OPRM1: variants seen among roughly 807,000 people sequenced by gnomAD.
OPRM1 encodes the protein opioid receptor mu 1.
A neutral mutation model predicts 31.8 loss-of-function variants in OPRM1; 27 were observed. That is an observed-to-expected ratio of 0.85 (90% confidence interval 0.63 to 1.17). OPRM1 has a LOEUF of 1.17. OPRM1 is among the 50% of genes most tolerant of loss of function. OPRM1 has a pLI of 0.00. For missense variants in OPRM1, 536 were observed against 511.1 expected (o/e 1.05, Z -0.47); for synonymous variants, 196 against 189.9 (o/e 1.03, Z -0.26).
chr6:154,027,627 TC>T (rs1203055431), intron 1 of OPRM1, among the ~76,000 whole-genome samples: 2 of 152,104 alleles, frequency 1.3e-5, no homozygotes, highest in Non-Finnish European at 2.9e-5. Context: ...CGTTCTAGAG[TC>T]AAAAACCTTA....
At chr6:154,221,953 G>A (rs1778900961) in intron 3 of OPRM1, among the ~76,000 whole-genome samples, 1 of 152,154 alleles carries the variant, frequency 6.6e-6, no homozygotes, top group Non-Finnish European at 1.5e-5. Flanking sequence ...TTGCTATAAA[G>A]ATACAATAAA....
chr6:154,027,373 G>A (rs139812928), intron 1 of OPRM1, among the ~76,000 whole-genome samples: 81 of 152,300 alleles, frequency 5.3e-4, no homozygotes, highest in African/African-American at 1.9e-3. Flanking sequence ...TGGTGGTGGT[G>A]TGACACAAGC....
At chr6:154,108,713 TAAA>T in intron 3 of OPRM1, 1 of 912,158 alleles carries the variant, frequency 1.1e-6, no homozygotes, top group Non-Finnish European at 1.3e-6. Context: ...TCTAACACCC[TAAA>T]TCTTAGAAGA....
chr6:154,231,925 C>T (rs1415986874), intron 3 of OPRM1, among the ~76,000 whole-genome samples: 2 of 152,112 alleles, frequency 1.3e-5, no homozygotes. Flanking sequence ...TGACATAGCC[C>T]CACACAAATA....
At chr6:154,033,213 T>C (rs1779106819) in intron 1 of OPRM1, among the ~76,000 whole-genome samples, 1 of 152,110 alleles carries the variant, frequency 6.6e-6, no homozygotes, top group Non-Finnish European at 1.5e-5. Context: ...AAATAAAGAC[T>C]AAAACACCAA....
intron 1 of OPRM1, among the ~76,000 whole-genome samples, chr6:154,019,703 T>A (rs976706822): frequency 6.6e-6 from 1 of 151,936 alleles, no homozygotes; most frequent in Admixed American, 6.6e-5. Flanking sequence ...TTAAGGTTTC[T>A]CTATGTATTT....
chr6:154,243,009 G>T (rs1307200250), intron 3 of OPRM1, among the ~76,000 whole-genome samples: 1 of 152,200 alleles, frequency 6.6e-6, no homozygotes. Flanking sequence ...TGACCTATAA[G>T]GAGGGATAAG....
intron 1 of OPRM1, among the ~76,000 whole-genome samples, chr6:154,012,881 G>A (rs1438867064): frequency 6.6e-6 from 1 of 151,990 alleles, no homozygotes; most frequent in Non-Finnish European, 1.5e-5. Flanking sequence ...CAGGGAGAGA[G>A]GAAGAAAGCC....
chr6:154,086,698 AAACTG>A (rs1166548153), intron 1 of OPRM1: 1 of 985,146 alleles, frequency 1.0e-6, no homozygotes, highest in African/African-American at 1.7e-5. Flanking sequence ...ATGAGTCAGA[AAACTG>A]ACTGTAAAGA....
intron 1 of OPRM1, among the ~76,000 whole-genome samples, chr6:154,062,061 A>G (rs1169224749): frequency 6.6e-6 from 1 of 152,162 alleles, no homozygotes; most frequent in Non-Finnish European, 1.5e-5. Flanking sequence ...ATATAACAAA[A>G]TGTTCCCAGA....
At chr6:154,221,156 A>C in intron 3 of OPRM1, 2 of 821,158 alleles carry the variant, frequency 2.4e-6, no homozygotes, top group Non-Finnish European at 1.9e-6. Context: ...TAACAGAAAT[A>C]AAATAATAAT....
intron 3 of OPRM1, among the ~76,000 whole-genome samples, chr6:154,117,152 T>C (rs1429991231): frequency 2.6e-5 from 4 of 152,166 alleles, no homozygotes; most frequent in African/African-American, 9.7e-5. Context: ...TTCTGCACCA[T>C]TTGGGCCAGA....
At chr6:154,239,194 A>G (rs1412106073) in intron 3 of OPRM1, among the ~76,000 whole-genome samples, 1 of 152,230 alleles carries the variant, frequency 6.6e-6, no homozygotes, top group Admixed American at 6.5e-5. Context: ...AATTTAAAGG[A>G]AAATAATATT....
intron 3 of OPRM1, chr6:154,110,423 T>C (rs909098546): frequency 7.4e-6 from 11 of 1,492,874 alleles, no homozygotes; most frequent in Non-Finnish European, 9.1e-6. Context: ...AATTACAATA[T>C]TTTCCCGTGA....
chr6:154,040,464 C>T (rs1366036549), intron 1 of OPRM1, among the ~76,000 whole-genome samples: 1 of 152,174 alleles, frequency 6.6e-6, no homozygotes, highest in African/African-American at 2.4e-5. Context: ...GGAAGTTTTC[C>T]TAGCATCTCT....
chr6:154,022,120 C>T (rs1778411310), intron 1 of OPRM1, among the ~76,000 whole-genome samples: 1 of 152,166 alleles, frequency 6.6e-6, no homozygotes, highest in Admixed American at 6.5e-5. Context: ...TATTTTTGTA[C>T]ATGTTCTTTA....
At chr6:154,220,165 T>C (rs1177507829) in intron 3 of OPRM1, among the ~76,000 whole-genome samples, 3 of 152,184 alleles carry the variant, frequency 2.0e-5, no homozygotes, top group African/African-American at 7.2e-5. Context: ...GCTCTGTGAA[T>C]GGAGGAATTA....
Position 154,039,491 on chromosome 6 carries a change from G to T in OPRM1, c.-54G>T. 2 of 1,566,798 alleles carry T rather than the reference G, an allele frequency of 1.3e-6. No homozygotes were observed. The highest frequency in any genetic ancestry group is 1.7e-6 in the Non-Finnish European group (2 of 1,155,490). On this transcript the variant is annotated 5_prime_UTR_variant, in exon 1 of 4. Transcript: ENST00000330432. ...GGCTGAGGCGCTTGGAACCCGAAAAGTCTCGGTGCTCCTGGCTACCTCGCA... is the reference window on the plus strand; with the variant it reads ...GGCTGAGGCGCTTGGAACCCGAAAATTCTCGGTGCTCCTGGCTACCTCGCA...
chr6:154,173,408 T>C (rs1027007815), intron 3 of OPRM1, among the ~76,000 whole-genome samples: 2 of 151,984 alleles, frequency 1.3e-5, no homozygotes, highest in African/African-American at 4.8e-5. Context: ...ATTGCAAGGA[T>C]GCTAAAAACC....
Sources: gnomAD v4.1 joint callset for allele counts (sites outside exome capture counted in the v4.1 genomes callset) on GRCh38, gnomAD v4.1.1 for gene constraint, MANE v1.5 for transcripts, NCBI Gene and HGNC (gene_info 2026-07-23, HGNC 2026-07-21) for gene names.